The following PARVB variants were observed in gnomAD, a reference collection of about 807,000 sequenced individuals.
PARVB encodes the protein parvin beta, also known as beta-parvin.
In PARVB, 46 loss-of-function variants were observed where a neutral mutation model predicts 47.0. The observed-to-expected ratio is 0.98, with a 90% CI of 0.77 to 1.25. The LOEUF is 1.25. PARVB is among the 50% of genes most tolerant of loss of function. The pLI is 0.00. For missense variants in PARVB, 473 were observed against 471.6 expected, an observed-to-expected ratio of 1.00 and a Z score of -0.03; for synonymous variants, 196 against 196.3, an observed-to-expected ratio of 1.00 and a Z score of 0.01.
intron 2 of PARVB, among the ~76,000 whole-genome samples, chr22:44,015,920 T>C (rs1385387389): frequency 1.3e-5 from 2 of 152,140 alleles, no homozygotes; most frequent in Non-Finnish European, 2.9e-5. Context: ...TCACGCCTTA[T>C]ACAAATGGCA....
At chr22:44,100,022 G>T in intron 2 of PARVB, 31 bp from the exon 3 acceptor site, 3 of 1,598,968 alleles carry the variant, frequency 1.9e-6, no homozygotes, top group South Asian at 1.1e-5. Context: ...CCCCACAATC[G>T]CTGACCGTGA....
chr22:44,066,780 T>TCTC (rs199990350), intron 1 of PARVB, among the ~76,000 whole-genome samples: 4,426 of 47,620 alleles, frequency 0.093, 173 homozygotes, highest in Non-Finnish European at 0.1. Context: ...CTTAATTATT[T>TCTC]CTCCTCCTCC....
In PARVB at chr22:44,168,780, C is replaced by A; in HGVS notation, c.*102C>A. On this transcript the variant is annotated 3_prime_UTR_variant, in exon 13 of 13. Coordinates refer to ENST00000338758, the MANE Select transcript of PARVB (RefSeq NM_013327.5). The stretch of plus-strand genomic sequence containing the variant: ...GAGCCAGGCGCCATGGGCTTCTGGT[C>A]CAAGCTGTGTTGACTGTCATCCCCA... 3.8e-6 allele frequency: 3 copies of A among 784,104 alleles called. No individual in the cohort carries two copies. In the South Asian group the frequency reaches 4.5e-5, roughly 12 times the overall value. 48.6% of individuals were successfully genotyped at this position (784,104 alleles called of 1,614,324 possible). A position where few individuals can be genotyped will look rare whatever the true frequency, so the allele number is the denominator to read the frequency against.
chr22:44,024,509 C>T, intron 1 of PARVB, 58 bp downstream of exon 1: 1 of 932,502 alleles, frequency 1.1e-6, no homozygotes, highest in Non-Finnish European at 1.3e-6. Context: ...TGCCCGCCCT[C>T]GGCCCTAGAG....
chr22:44,153,138 G>T (rs2053846231), intron 10 of PARVB: 1 of 152,006 alleles, frequency 6.6e-6, no homozygotes, highest in South Asian at 2.1e-4. Flanking sequence ...CTTATTTTCC[G>T]CAGTTTACAA....
intron 8 of PARVB, chr22:44,141,295 AGGGTATTAAC>A (rs969927340): frequency 1.3e-5 from 2 of 152,276 alleles, no homozygotes; most frequent in Non-Finnish European, 2.9e-5. Flanking sequence ...GAGTTTACTA[AGGGTATTAAC>A]TCACACGATC....
chr22:44,014,854 ATTT>A (rs34601668), intron 2 of PARVB, among the ~76,000 whole-genome samples: 1 of 147,558 alleles, frequency 6.8e-6, no homozygotes. Context: ...AGACACAACA[ATTT>A]TTTTTTTTTT....
chr22:44,147,962 C>G (rs369830568), intron 9 of PARVB, 40 bp downstream of exon 9: 1 of 1,563,120 alleles, frequency 6.4e-7, no homozygotes, highest in Non-Finnish European at 8.8e-7. Context: ...TCTCCCCTGG[C>G]TCGCGGCTTT....
Position 44,147,127 on chromosome 22 carries a change from G to A in PARVB, c.713-734G>A, listed in dbSNP as rs545271549. 78 of 163,822 alleles carry A rather than the reference G, an allele frequency of 4.8e-4. No homozygotes were observed. In the Middle Eastern group the frequency reaches 0.013, roughly 26 times the overall value. 10.1% of individuals were successfully genotyped at this position (163,822 alleles called of 1,614,324 possible). ...GTCAGCAGGAGCAGCTGGGAGGCCG[G>A]TTGGTGGAGTGAAGTCAGGGAGGGT... On this transcript the variant is annotated intron_variant, in intron 8 of 12. Coordinates refer to ENST00000338758, the MANE Select transcript of PARVB (RefSeq NM_013327.5).
At chr22:44,050,837 T>A (rs1288424698) in intron 1 of PARVB, among the ~76,000 whole-genome samples, 1 of 152,184 alleles carries the variant, frequency 6.6e-6, no homozygotes, top group Admixed American at 6.5e-5. Flanking sequence ...TTAAATGCAA[T>A]AACCTGGGAG....
chr22:44,138,147 CAG>C (rs1440102484), intron 7 of PARVB, among the ~76,000 whole-genome samples: 2 of 152,226 alleles, frequency 1.3e-5, no homozygotes, highest in Admixed American at 6.5e-5. Context: ...GCTGGATCAA[CAG>C]AGACACTGAG....
intron 3 of PARVB, chr22:44,110,237 C>G (rs1361960380): frequency 6.6e-6 from 1 of 152,174 alleles, no homozygotes; most frequent in Non-Finnish European, 1.5e-5. Flanking sequence ...AACACAGGCC[C>G]CGCCTGGGAG....
chr22:44,105,493 CCAT>C (rs1216514259), intron 3 of PARVB: 1 of 152,304 alleles, frequency 6.6e-6, no homozygotes, highest in Non-Finnish European at 1.5e-5. Flanking sequence ...CCCTGTCACT[CCAT>C]CACTCTCCTC....
intron 10 of PARVB, 122 bp from the exon 11 acceptor site, chr22:44,157,860 T>C (rs1052322454): frequency 5.5e-5 from 37 of 676,914 alleles, no homozygotes; most frequent in Non-Finnish European, 9.3e-5. Context: ...ATCAGTGCAC[T>C]CCAGCCTGGG....
At chr22:44,164,117 T>C (rs2054113128) in intron 12 of PARVB, among the ~76,000 whole-genome samples, 187 bp downstream of exon 12, 1 of 152,198 alleles carries the variant, frequency 6.6e-6, no homozygotes, top group Non-Finnish European at 1.5e-5. Context: ...AGGACTTCGC[T>C]GGTGGAGCTG....
chr22:44,062,809 C>A (rs1029751464), intron 1 of PARVB, among the ~76,000 whole-genome samples: 1 of 152,208 alleles, frequency 6.6e-6, no homozygotes, highest in East Asian at 1.9e-4. Context: ...GTGTGCCACC[C>A]TCCTGGCACC....
chr22:44,058,523 A>G (rs2051356923), intron 1 of PARVB, among the ~76,000 whole-genome samples: 1 of 147,894 alleles, frequency 6.8e-6, no homozygotes, highest in Admixed American at 6.7e-5. Flanking sequence ...CACATTCTCC[A>G]GTTGTCCAAT....
Position 44,135,398 on chromosome 22 carries a change from A to G in PARVB, c.634-1062A>G, listed in dbSNP as rs545408219. On this transcript the variant is annotated intron_variant, in intron 6 of 12. Transcript: ENST00000338758. ...CTCAGCCTCCCAAGTAGCTGAGATT[A>G]CAGGCACATGCCACCACGCCCAGCT... Among the ~76,000 whole-genome samples the G allele has an allele frequency of 1.3e-3, 198 of 152,244 alleles. 1 individual carries two copies. Among genetic ancestry groups the G allele is most frequent in the Non-Finnish European group, 1.4e-3 (95 of 68,008 alleles).
At chr22:43,999,988 CAG>C (rs1387594641) in intron 2 of PARVB, among the ~76,000 whole-genome samples, 1 of 151,902 alleles carries the variant, frequency 6.6e-6, no homozygotes, top group Non-Finnish European at 1.5e-5. Context: ...GCTGGGGTGA[CAG>C]AGCGAGACCC....
Sources: allele counts gnomAD v4.1 joint callset (sites outside exome capture counted in the v4.1 genomes callset), GRCh38; gene constraint gnomAD v4.1.1; transcripts MANE v1.5; gene names NCBI Gene and HGNC (gene_info 2026-07-23, HGNC 2026-07-21).